The following CBFA2T3 variants were observed in gnomAD, a reference collection of about 807,000 sequenced individuals.
CBFA2T3 encodes the protein CBFA2/RUNX1 partner transcriptional co-repressor 3.
In CBFA2T3, 31 loss-of-function variants were observed where a neutral mutation model predicts 58.6. The ratio of observed to expected loss-of-function variants is 0.53; its 90% confidence interval spans 0.40 to 0.71. The LOEUF (loss-of-function observed/expected upper bound fraction) is 0.71. CBFA2T3 is among the 30% of genes least tolerant of loss of function. The probability of loss-of-function intolerance (pLI) is 0.00; values close to 1 mark genes in which losing one functional copy is unlikely to be tolerated. For missense variants in CBFA2T3, 1,076 were observed against 963.1 expected (o/e 1.12, Z -1.55); for synonymous variants, 531 against 421.9 (o/e 1.26, Z -3.17).
Position 88,875,315 on chromosome 16 carries a change from G to A in CBFA2T3, c.*1661C>T, listed in dbSNP as rs1003071318. The A allele has an allele frequency of 2.5e-5, 5 of 198,298 alleles. No individual in the cohort carries two copies. Among genetic ancestry groups the A allele is most frequent in the Non-Finnish European group, 4.1e-5 (4 of 98,654 alleles). The allele number at this position is 198,298 out of a possible 1,614,324, so 12.3% of individuals were successfully genotyped here. A position where few individuals can be genotyped will look rare whatever the true frequency, so the allele number is the denominator to read the frequency against. Reference sequence around the variant, plus strand: ...TTATTTCCTTCTTGAAATCGCTGAGGCAGTTGAGAGGAGTGGAGGGAGGGT... The same window carrying A: ...TTATTTCCTTCTTGAAATCGCTGAGACAGTTGAGAGGAGTGGAGGGAGGGT... On this transcript the variant is annotated 3_prime_UTR_variant, in exon 12 of 12. Coordinates refer to ENST00000268679, the MANE Select transcript of CBFA2T3 (RefSeq NM_005187.6).
chr16:88,877,229 C>T lies in CBFA2T3; in HGVS notation c.1709G>A (p.Cys570Tyr). ...GGACCCGCAGTAGCGTGCCGCGTTG[C>T]AGCCGCTGCACGTCTCACTGGCTTT... ...GRKASETCSG[C>Y]NAARYCGSFC... is the part of the protein sequence containing the mutation. The change falls in exon 12 of 12, where the codon TGC becomes TAC. Residue 570 changes from cysteine to tyrosine, a missense_variant. Coordinates refer to ENST00000268679, the MANE Select transcript of CBFA2T3 (RefSeq NM_005187.6). 6.4e-7 allele frequency: 1 copy of T among 1,556,054 alleles called. No homozygotes were observed. Among genetic ancestry groups the T allele is most frequent in the Non-Finnish European group, 8.7e-7 (1 of 1,150,490 alleles).
chr16:88,909,689 C>G (rs114020060), intron 1 of CBFA2T3, among the ~76,000 whole-genome samples: 1 of 152,316 alleles, frequency 6.6e-6, no homozygotes, highest in South Asian at 2.1e-4. Flanking sequence ...AAGAGGAGAC[C>G]CCGAGAGTCA....
At chr16:88,898,488 G>A (rs1394364469) in intron 2 of CBFA2T3, among the ~76,000 whole-genome samples, 1 of 152,228 alleles carries the variant, frequency 6.6e-6, no homozygotes, top group African/African-American at 2.4e-5. Flanking sequence ...GAGAGTGGGT[G>A]ATCCCTAAGG....
At chr16:88,918,747 G>A (rs2142729432) in intron 1 of CBFA2T3, among the ~76,000 whole-genome samples, 1 of 152,330 alleles carries the variant, frequency 6.6e-6, no homozygotes, top group East Asian at 1.9e-4. Flanking sequence ...TTCCATGGCA[G>A]GTCACCCACA....
At chr16:88,908,409 G>A (rs2142685239) in intron 1 of CBFA2T3, among the ~76,000 whole-genome samples, 1 of 152,208 alleles carries the variant, frequency 6.6e-6, no homozygotes, top group South Asian at 2.1e-4. Flanking sequence ...GGGGCCCATG[G>A]GAGAGGCCGT....
intron 1 of CBFA2T3, among the ~76,000 whole-genome samples, chr16:88,960,824 A>G (rs1024879326): frequency 1.3e-5 from 2 of 152,228 alleles, no homozygotes; most frequent in African/African-American, 4.8e-5. Flanking sequence ...ACATAATCCT[A>G]TTGGCTACAG....
intron 3 of CBFA2T3, among the ~76,000 whole-genome samples, chr16:88,895,625 C>G (rs1969857063): frequency 6.6e-6 from 1 of 152,102 alleles, no homozygotes; most frequent in African/African-American, 2.4e-5. Flanking sequence ...GCGGGGGGAA[C>G]AGGTGTGCCC....
intron 1 of CBFA2T3, among the ~76,000 whole-genome samples, chr16:88,933,036 T>C (rs1296964188): frequency 6.6e-6 from 1 of 151,838 alleles, no homozygotes; most frequent in African/African-American, 2.4e-5. Flanking sequence ...TCGAGGGAGG[T>C]GACGGCATGG....
chr16:88,876,637 A>AAAAGAGAGGT lies in CBFA2T3; in HGVS notation c.*329_*338dup, dbSNP rs1236040985. The AAAAGAGAGGT allele has an allele frequency of 2.6e-5, 8 of 312,424 alleles. No individual in the cohort carries two copies. The highest frequency in any genetic ancestry group is 4.1e-5 in the Non-Finnish European group (7 of 170,834). 19.4% of individuals were successfully genotyped at this position (312,424 alleles called of 1,614,324 possible). A position where few individuals can be genotyped will look rare whatever the true frequency, so the allele number is the denominator to read the frequency against. ...AGAGGGGGAGAGACAGACAGAGAGG[A>AAAAGAGAGGT]AAAGAGAGGTGGGCAGAGCCGCCGC... On this transcript the variant is annotated 3_prime_UTR_variant, in exon 12 of 12. Transcript: ENST00000268679.
chr16:88,942,700 G>A (rs931566523), intron 1 of CBFA2T3, among the ~76,000 whole-genome samples: 5 of 152,216 alleles, frequency 3.3e-5, no homozygotes, highest in Admixed American at 2.6e-4. Context: ...CCAGCTCCTG[G>A]CTGTGGGAAG....
intron 1 of CBFA2T3, among the ~76,000 whole-genome samples, chr16:88,929,285 G>A (rs1227629148): frequency 6.6e-6 from 1 of 152,094 alleles, no homozygotes; most frequent in Admixed American, 6.5e-5. Flanking sequence ...CAGGCAAACG[G>A]CATCCATCAC....
rs561796033 is a variant in CBFA2T3, at chr16:88,901,726, C to T, written c.152-70G>A. 290 of 1,382,962 alleles carry T rather than the reference C, an allele frequency of 2.1e-4. 1 individual carries two copies. In the African/African-American group the frequency reaches 3.9e-3, roughly 19 times the overall value. The allele number at this position is 1,382,962 out of a possible 1,614,324, so 85.7% of individuals were successfully genotyped here. On this transcript the variant is annotated intron_variant, in intron 1 of 11. Coordinates refer to ENST00000268679, the MANE Select transcript of CBFA2T3 (RefSeq NM_005187.6). ...GCAAAGGCCAGGGCCCGCAGCCCCA[C>T]GGTTCCCAGCGAAGGCCCCACTGAG...
rs564055367 is a variant in CBFA2T3 at position 88,943,840 on chromosome 16, A to G, written c.151+32817T>C. 4.6e-5 allele frequency among the ~76,000 whole-genome samples: 7 copies of G among 152,340 alleles called. No individual in the cohort carries two copies. The South Asian group carries it at 1.4e-3, about 32-fold the overall frequency. ...GGGGACATTTAAGGAGGAGACTACCAGCCCTATGTGAAAGATGTCTGCAGT... is the reference window on the plus strand; with the variant it reads ...GGGGACATTTAAGGAGGAGACTACCGGCCCTATGTGAAAGATGTCTGCAGT... On this transcript the variant is annotated intron_variant, in intron 1 of 11. Transcript: ENST00000268679.
At chr16:88,932,074 C>T (rs1971326653) in intron 1 of CBFA2T3, among the ~76,000 whole-genome samples, 2 of 152,178 alleles carry the variant, frequency 1.3e-5, no homozygotes, top group African/African-American at 4.8e-5. Context: ...TACACACATG[C>T]ACCTGCACGT....
intron 1 of CBFA2T3, among the ~76,000 whole-genome samples, chr16:88,966,954 C>G (rs1217362866): frequency 6.6e-6 from 1 of 152,228 alleles, no homozygotes; most frequent in African/African-American, 2.4e-5. Flanking sequence ...TCCCTGTGGC[C>G]AATGTCTTGT....
At chr16:88,912,740 C>T (rs1970570088) in intron 1 of CBFA2T3, among the ~76,000 whole-genome samples, 1 of 152,248 alleles carries the variant, frequency 6.6e-6, no homozygotes, top group Non-Finnish European at 1.5e-5. Context: ...TATCTGCCTC[C>T]CCTGGCAGCC....
chr16:88,904,240 C>T (rs577270083), intron 1 of CBFA2T3, among the ~76,000 whole-genome samples: 1 of 152,174 alleles, frequency 6.6e-6, no homozygotes, highest in Non-Finnish European at 1.5e-5. Flanking sequence ...TGTCCCTTTA[C>T]TTCAGAGGCC....
intron 8 of CBFA2T3, among the ~76,000 whole-genome samples, chr16:88,881,949 C>G (rs1213135046): frequency 6.6e-6 from 1 of 152,234 alleles, no homozygotes; most frequent in Non-Finnish European, 1.5e-5. Context: ...TCCCCGAACA[C>G]GTCCTGCCTC....
intron 1 of CBFA2T3, chr16:88,938,903 C>G (rs1435372083): frequency 6.6e-6 from 1 of 152,152 alleles, no homozygotes; most frequent in Non-Finnish European, 1.5e-5. Flanking sequence ...AGCGGAGAGC[C>G]CCAAGATGGT....
Sources: gnomAD v4.1 joint callset for allele counts (sites outside exome capture counted in the v4.1 genomes callset) on GRCh38, gnomAD v4.1.1 for gene constraint, MANE v1.5 for transcripts, NCBI Gene and HGNC (gene_info 2026-07-23, HGNC 2026-07-21) for gene names.